CCDC93: variants seen among roughly 807,000 people sequenced by gnomAD.
CCDC93 encodes the protein CCC complex scaffolding subunit CCDC93, also known as coiled-coil domain-containing protein 93.
CCDC93 carries 61 observed loss-of-function variants against 108.2 expected under a neutral mutation model. That is an observed-to-expected ratio of 0.56 (90% confidence interval 0.46 to 0.70). The LOEUF (loss-of-function observed/expected upper bound fraction) is 0.70. Among genes scored for constraint, CCDC93 ranks in the 30% least tolerant of loss-of-function variants. The pLI, the probability that CCDC93 is intolerant of heterozygous loss-of-function variation, is 0.00. For synonymous variants in CCDC93, 276 were observed against 260.4 expected (o/e 1.06, Z -0.58); for missense variants, 685 against 764.2 (o/e 0.90, Z 1.22).
At chr2:117,965,142 T>A (rs1006259983) in intron 11 of CCDC93, among the ~76,000 whole-genome samples, 2 of 151,744 alleles carry the variant, frequency 1.3e-5, no homozygotes, top group Non-Finnish European at 2.9e-5. Flanking sequence ...CCACCCCTCC[T>A]GATTTTAGAC....
rs371301690 is a variant in CCDC93 at position 117,958,347 on chromosome 2, C to A, written c.1005+18G>T. ...ACCATGAAGATCTTGAATAAACTTA[C>A]GAAAAGAAAACACTGACCTCTTCAA... On this transcript the variant is annotated intron_variant, in intron 12 of 23. Transcript: ENST00000376300. 2.0e-6 allele frequency: 3 copies of A among 1,475,952 alleles called. No individual in the cohort carries two copies. Among genetic ancestry groups the A allele is most frequent in the African/African-American group, 2.8e-5 (2 of 72,130 alleles). 91.4% of individuals were successfully genotyped at this position (1,475,952 alleles called of 1,614,324 possible).
chr2:118,007,536 G>A (rs1163791873), intron 2 of CCDC93, among the ~76,000 whole-genome samples: 1 of 152,162 alleles, frequency 6.6e-6, no homozygotes, highest in Non-Finnish European at 1.5e-5. Flanking sequence ...GGGCATGGTG[G>A]CAGGCACCTG....
chr2:117,952,398 T>C lies in CCDC93; in HGVS notation c.1043A>G (p.Asn348Ser). The C allele has an allele frequency of 6.2e-7, 1 of 1,613,420 alleles. No individual in the cohort carries two copies. Among genetic ancestry groups the C allele is most frequent in the Non-Finnish European group, 8.5e-7 (1 of 1,179,316 alleles). Residue 348 changes from asparagine (N) to serine (S), a missense_variant, in exon 13 of 24, where the codon AAT becomes AGT. Coordinates refer to ENST00000376300, the MANE Select transcript of CCDC93 (RefSeq NM_019044.5). The part of the protein sequence containing the change: ...ASHTSLQARY[N>S]EAKKTLTELK... ...CTCTGTCAGCGTTTTCTTGGCTTCA[T>C]TATATCTGGCTTGTAGGCTGGTGTG... is the stretch of plus-strand genomic sequence containing the variant.
rs756680391 is a variant in CCDC93, at chr2:117,995,431, G to A, written c.519+15C>T. The stretch of plus-strand genomic sequence containing the variant: ...ACGCAGGACTCTGACAGAAGAATAC[G>A]GCCAGGGGACTTACTGAGAGGTCCA... On this transcript the variant is annotated intron_variant, in intron 6 of 23. Coordinates refer to ENST00000376300, the MANE Select transcript of CCDC93 (RefSeq NM_019044.5). 57 of 1,600,790 alleles carry A rather than the reference G, an allele frequency of 3.6e-5. No individual in the cohort carries two copies. Among genetic ancestry groups the A allele is most frequent in the African/African-American group, 8.0e-5 (6 of 74,638 alleles).
chr2:118,006,784 A>G lies in CCDC93; in HGVS notation c.189T>C (p.Thr63=). The part of the protein sequence containing the change: ...VVGGMTWCIT[T]CNFDVDVDLL... ...AATCAACATCTACATCAAAGTTGCA[A>G]GTGGTGATACACCAAGTCATTCCTC... Residue 63 remains threonine, a synonymous_variant, in exon 3 of 24, where the codon ACT becomes ACC. Transcript: ENST00000376300. 6.2e-7 allele frequency: 1 copy of G among 1,611,764 alleles called. No individual in the cohort carries two copies. The highest frequency in any genetic ancestry group is 8.5e-7 in the Non-Finnish European group (1 of 1,177,850).
At chr2:117,997,513 A>G (rs905615202) in intron 4 of CCDC93, 2 of 152,216 alleles carry the variant, frequency 1.3e-5, no homozygotes, top group African/African-American at 2.4e-5. Context: ...GGCACATAAC[A>G]CTGTGCTGCA....
intron 21 of CCDC93, 142 bp from the exon 22 acceptor site, chr2:117,935,721 G>A: frequency 2.1e-6 from 1 of 479,708 alleles, no homozygotes; most frequent in Non-Finnish European, 3.6e-6. Context: ...AGCCACGGGG[G>A]CCCCTGGGAT....
Position 118,014,023 on chromosome 2 carries a change from A to T in CCDC93, c.-28T>A. The T allele has an allele frequency of 6.3e-7, 1 of 1,588,644 alleles. No individual in the cohort carries two copies. The highest frequency in any genetic ancestry group is 8.6e-7 in the Non-Finnish European group (1 of 1,169,014). On this transcript the variant is annotated 5_prime_UTR_variant, in exon 1 of 24. Coordinates refer to ENST00000376300, the MANE Select transcript of CCDC93 (RefSeq NM_019044.5). ...TCCGACCGGGCTGTCGTAAGGCGAG[A>T]GCGAAGCCCGCCAAGCGTCCGGAGG...
chr2:118,001,501 T>C (rs1158767994), intron 3 of CCDC93, among the ~76,000 whole-genome samples: 1 of 152,190 alleles, frequency 6.6e-6, no homozygotes, highest in East Asian at 1.9e-4. Context: ...TACTCTAAAA[T>C]AAATTCTAGA....
intron 23 of CCDC93, among the ~76,000 whole-genome samples, chr2:117,929,211 G>A (rs371077488): frequency 6.6e-5 from 10 of 152,186 alleles, no homozygotes; most frequent in East Asian, 3.8e-4. Context: ...GTACATATAT[G>A]TAACTAACCT....
chr2:117,939,993 C>T (rs1281978044), intron 19 of CCDC93, among the ~76,000 whole-genome samples: 1 of 152,020 alleles, frequency 6.6e-6, no homozygotes, highest in East Asian at 1.9e-4. Flanking sequence ...TTGCAGGGAG[C>T]CTAAGTATTA....
chr2:118,001,022 TG>T (rs1680833852), intron 3 of CCDC93, 90 bp from the exon 4 acceptor site: 1 of 767,020 alleles, frequency 1.3e-6, no homozygotes, highest in African/African-American at 1.7e-5. Context: ...CAGACGGATC[TG>T]GGACTTCTCC....
intron 6 of CCDC93, among the ~76,000 whole-genome samples, chr2:117,987,469 G>A (rs1231439899): frequency 6.6e-6 from 1 of 152,156 alleles, no homozygotes; most frequent in Non-Finnish European, 1.5e-5. Flanking sequence ...AATATCAGGG[G>A]TTTACAGGCC....
At chr2:117,977,080 C>T (rs547659326) in intron 8 of CCDC93, among the ~76,000 whole-genome samples, 3 of 152,090 alleles carry the variant, frequency 2.0e-5, no homozygotes, top group Admixed American at 6.6e-5. Flanking sequence ...GGACTACAGG[C>T]GCCCACCACC....
intron 6 of CCDC93, among the ~76,000 whole-genome samples, chr2:117,986,428 A>G (rs1415614806): frequency 6.6e-6 from 1 of 152,090 alleles, no homozygotes; most frequent in African/African-American, 2.4e-5. Flanking sequence ...GCTGTCAAAT[A>G]ATACCCTAGT....
At chr2:118,009,244 G>A (rs191352526) in intron 1 of CCDC93, among the ~76,000 whole-genome samples, 105 of 152,048 alleles carry the variant, frequency 6.9e-4, no homozygotes, top group Middle Eastern at 6.8e-3. Flanking sequence ...GGTGGCCCAT[G>A]CTTGCAATCC....
chr2:118,013,606 G>C (rs574957893), intron 1 of CCDC93, among the ~76,000 whole-genome samples: 9 of 152,344 alleles, frequency 5.9e-5, no homozygotes, highest in African/African-American at 2.2e-4. Flanking sequence ...CTAGCCCTGC[G>C]GCGCGGGGTG....
intron 18 of CCDC93, among the ~76,000 whole-genome samples, chr2:117,941,541 C>A (rs1456454163): frequency 6.6e-6 from 1 of 151,932 alleles, no homozygotes; most frequent in African/African-American, 2.4e-5. Context: ...ATGAGTGGAC[C>A]AGGAGGGAAG....
chr2:117,931,857 C>G, intron 22 of CCDC93, among the ~76,000 whole-genome samples: 1 of 152,096 alleles, frequency 6.6e-6, no homozygotes, highest in South Asian at 2.1e-4. Flanking sequence ...CTAAGGTATC[C>G]AAAAGCTTAT....
Sources: gnomAD v4.1 joint callset for allele counts (sites outside exome capture counted in the v4.1 genomes callset) on GRCh38, gnomAD v4.1.1 for gene constraint, MANE v1.5 for transcripts, NCBI Gene and HGNC (gene_info 2026-07-23, HGNC 2026-07-21) for gene names.